The following GFM1 variants were observed in gnomAD, a reference collection of about 807,000 sequenced individuals.
GFM1 encodes G elongation factor mitochondrial 1.
In GFM1, 62 loss-of-function variants were observed where a neutral mutation model predicts 96.2. The ratio of observed to expected loss-of-function variants is 0.64; its 90% CI spans 0.53 to 0.80. The LOEUF is 0.80. GFM1 is among the 30% of genes least tolerant of loss of function. The pLI is 0.00. For missense variants in GFM1, 852 were observed against 916.6 expected, an observed-to-expected ratio of 0.93 and a Z score of 0.91; for synonymous variants, 282 against 312.9, an observed-to-expected ratio of 0.90 and a Z score of 1.04.
intron 13 of GFM1, among the ~76,000 whole-genome samples, chr3:158,677,645 C>T (rs1311236582): frequency 6.6e-6 from 1 of 152,156 alleles, no homozygotes; most frequent in East Asian, 1.9e-4. Flanking sequence ...GCTGGGATTA[C>T]AGGCATCTGC....
rs141903395 is a variant in GFM1, at chr3:158,684,541, C to T, written c.1782C>T (p.Cys594=). The T allele has an allele frequency of 4.0e-5, 64 of 1,613,996 alleles. No homozygotes were observed. The African/African-American group carries it at 6.5e-4, about 16-fold the overall frequency. The change falls in exon 15 of 18, where the codon TGC becomes TGT. Residue 594 remains cysteine, a synonymous_variant. Coordinates refer to ENST00000486715, the MANE Select transcript of GFM1 (RefSeq NM_024996.7). ...PAVEKGFLDA[C]EKGPLSGHKL... ...ATTAACAGGGGTTTTTAGATGCCTG[C>T]GAGAAGGGCCCTCTTTCTGGTCACA... is the stretch of plus-strand genomic sequence containing the variant.
chr3:158,684,354 T>C (rs1018221872), intron 14 of GFM1, among the ~76,000 whole-genome samples, 170 bp from the exon 15 acceptor site: 1 of 149,276 alleles, frequency 6.7e-6, no homozygotes, highest in Non-Finnish European at 1.5e-5. Flanking sequence ...ACTTAAAAGT[T>C]AAAAAAAAAA....
At chr3:158,664,806 T>G (rs1413892183) in intron 11 of GFM1, among the ~76,000 whole-genome samples, 4 of 152,184 alleles carry the variant, frequency 2.6e-5, no homozygotes, top group Non-Finnish European at 4.4e-5. Flanking sequence ...GCCATTAATC[T>G]GCTTACCACG....
intron 13 of GFM1, among the ~76,000 whole-genome samples, chr3:158,678,583 A>G (rs1032988922): frequency 2.0e-5 from 3 of 152,244 alleles, no homozygotes; most frequent in African/African-American, 7.2e-5. Flanking sequence ...CTGAAGTCCT[A>G]CAATTTCATG....
In GFM1 at chr3:158,691,484, T is replaced by G. The variant is rs920819220; in HGVS notation, c.*17T>G. The G allele has an allele frequency of 1.9e-6, 3 of 1,612,720 alleles. No individual in the cohort carries two copies. The highest frequency in any genetic ancestry group is 1.7e-4 in the Middle Eastern group (1 of 5,920). On this transcript the variant is annotated 3_prime_UTR_variant, in exon 18 of 18. Transcript: ENST00000486715. ...AAGAACTAACTTTGCTTACTGTGAG[T>G]TGACTGACTCTAATTGAATCTGCGT...
chr3:158,662,996 C>T (rs78281761), intron 11 of GFM1, among the ~76,000 whole-genome samples: 3 of 152,092 alleles, frequency 2.0e-5, no homozygotes, highest in African/African-American at 4.8e-5. Context: ...AAAGGGGAAT[C>T]GGGCACTTCT....
In GFM1 at chr3:158,684,508, G is replaced by A; in HGVS notation, c.1765-16G>A. 6.2e-7 allele frequency: 1 copy of A among 1,613,918 alleles called. No individual in the cohort carries two copies. The highest frequency in any genetic ancestry group is 1.7e-4 in the Middle Eastern group (1 of 6,060). ...AAAATCCACTCACTCCAGAAGTTGT[G>A]TTCATTCATTAACAGGGGTTTTTAG... On this transcript the variant is annotated splice_polypyrimidine_tract_variant and intron_variant, in intron 14 of 17. Coordinates refer to ENST00000486715, the MANE Select transcript of GFM1 (RefSeq NM_024996.7).
chr3:158,665,370 A>G lies in GFM1; in HGVS notation c.1414A>G (p.Arg472Gly). 1 of 1,610,690 alleles carries G rather than the reference A, an allele frequency of 6.2e-7. No homozygotes were observed. Among genetic ancestry groups the G allele is most frequent in the Non-Finnish European group, 8.5e-7 (1 of 1,177,230 alleles). ...DLEKFSKGIG[R>G]FTREDPTFKV... ...GGAAAAATTTTCAAAAGGTATTGGCAGGTTTACAAGAGAAGATCCCACATT... is the reference window on the plus strand; with the variant it reads ...GGAAAAATTTTCAAAAGGTATTGGCGGGTTTACAAGAGAAGATCCCACATT... Residue 472 changes from arginine (R) to glycine (G), a missense_variant, in exon 12 of 18, where the codon AGG (arginine) becomes GGG (glycine). By Grantham distance (125) the Arg-to-Gly change is moderately radical (BLOSUM62 -2). Coordinates refer to ENST00000486715, the MANE Select transcript of GFM1 (RefSeq NM_024996.7).
intron 14 of GFM1, among the ~76,000 whole-genome samples, chr3:158,684,048 G>A (rs962548547): frequency 1.3e-5 from 2 of 152,098 alleles, no homozygotes; most frequent in South Asian, 2.1e-4. Flanking sequence ...TCCTTTGCAG[G>A]GAGGGGCATG....
rs373793971 is a variant in GFM1 at position 158,689,086 on chromosome 3, G to C, written c.1910-1077G>C. On this transcript the variant is annotated intron_variant, in intron 15 of 17. Transcript: ENST00000486715. ...TATTTGGAGATAATGTAACAAACCT[G>C]AGGCGGAAGTATTTGTCACTATCAC... is the stretch of plus-strand genomic sequence containing the variant. 4.6e-5 allele frequency among the ~76,000 whole-genome samples: 7 copies of C among 152,294 alleles called. 1 individual carries two copies. The highest frequency in any genetic ancestry group is 1.9e-4 in the East Asian group (1 of 5,180).
At chr3:158,682,843 G>C (rs1481477636) in intron 14 of GFM1, among the ~76,000 whole-genome samples, 1 of 152,028 alleles carries the variant, frequency 6.6e-6, no homozygotes, top group Non-Finnish European at 1.5e-5. Context: ...TGGGCAACAT[G>C]CTGAAACCCT....
chr3:158,690,863 G>A (rs769075193), intron 16 of GFM1, among the ~76,000 whole-genome samples: 10 of 152,218 alleles, frequency 6.6e-5, no homozygotes, highest in Admixed American at 6.5e-5. Context: ...GCTACAGAGC[G>A]GAGTGGGGAT....
intron 6 of GFM1, 95 bp from the exon 7 acceptor site, chr3:158,653,215 G>C: frequency 1.0e-6 from 1 of 980,572 alleles, no homozygotes; most frequent in East Asian, 2.6e-5. Context: ...CCAAAGAGTA[G>C]AGTATCAGTT....
chr3:158,653,321 A>T lies in GFM1; in HGVS notation c.852A>T (p.Arg284=). ...PSISDLKLAI[R]RATLKRSFTP... is the part of the protein sequence containing the mutation. ...GTTTTCTTTTGTAGCTAGCAATTCG[A>T]AGAGCTACTCTGAAAAGATCATTTA... The change falls in exon 7 of 18, where the codon CGA becomes CGT. Residue 284 remains arginine (R), a synonymous_variant. Transcript: ENST00000486715. The T allele has an allele frequency of 6.2e-7, 1 of 1,613,162 alleles. No individual in the cohort carries two copies.
intron 8 of GFM1, chr3:158,657,422 T>C (rs967961644): frequency 3.3e-5 from 5 of 152,162 alleles, no homozygotes; most frequent in African/African-American, 1.2e-4. Context: ...ATGAATATCA[T>C]CATTGAGTAT....
intron 13 of GFM1, among the ~76,000 whole-genome samples, chr3:158,679,443 A>G (rs890334412): frequency 2.6e-5 from 4 of 152,050 alleles, no homozygotes; most frequent in African/African-American, 7.2e-5. Context: ...ATCTTCCTCA[A>G]ACTGTTTTAA....
rs1285011458 is a variant in GFM1, at chr3:158,694,851, G to A, written c.*3384G>A. ...AAAATGGAATGTAGACAAAATCCCT[G>A]GTATTATTTTATATGTCTTAAGAAA... On this transcript the variant is annotated 3_prime_UTR_variant, in exon 18 of 18. Coordinates refer to ENST00000486715, the MANE Select transcript of GFM1 (RefSeq NM_024996.7). Among the ~76,000 whole-genome samples, 8 of 151,822 alleles carry A rather than the reference G, an allele frequency of 5.3e-5. No individual in the cohort carries two copies. The East Asian group carries it at 1.3e-3, about 26-fold the overall frequency.
At chr3:158,691,004 C>G in intron 16 of GFM1, 135 bp from the exon 17 acceptor site, 1 of 690,426 alleles carries the variant, frequency 1.4e-6, no homozygotes, top group East Asian at 2.7e-5. Context: ...TTCTCTTTGG[C>G]TTTTAATTAT....
At chr3:158,645,979 C>T in intron 2 of GFM1, 186 bp from the exon 3 acceptor site, 1 of 838,502 alleles carries the variant, frequency 1.2e-6, no homozygotes, top group Non-Finnish European at 2.0e-6. Flanking sequence ...GAAGAGGTCT[C>T]ACTTTGTTGC....
Sources: allele counts gnomAD v4.1 joint callset (sites outside exome capture counted in the v4.1 genomes callset), GRCh38; gene constraint gnomAD v4.1.1; transcripts MANE v1.5; gene names NCBI Gene and HGNC (gene_info 2026-07-23, HGNC 2026-07-21).